The following ZNF90 variants were observed in gnomAD, a reference collection of about 807,000 sequenced individuals.
ZNF90 encodes zinc finger protein HTF9.
In ZNF90, 11 loss-of-function variants were observed where a neutral mutation model predicts 12.0. The ratio of observed to expected loss-of-function variants is 0.92; its 90% CI spans 0.58 to 1.52. The LOEUF (loss-of-function observed/expected upper bound fraction) is 1.52, where lower values mean the gene tolerates loss of function less well. Among genes scored for constraint, ZNF90 ranks in the 40% most tolerant of loss-of-function variants. The pLI is 0.00. For missense variants in ZNF90, 765 were observed against 711.5 expected, an observed-to-expected ratio of 1.08 and a Z score of -0.86; for synonymous variants, 232 against 240.1, an observed-to-expected ratio of 0.97 and a Z score of 0.31.
Position 20,117,872 on chromosome 19 carries a change from T to G in ZNF90, c.318T>G (p.Arg106=). The G allele has an allele frequency of 6.2e-7, 1 of 1,610,536 alleles. No individual in the cohort carries two copies. Residue 106 remains arginine (R), a synonymous_variant, in exon 4 of 4, where the codon CGT becomes CGG. Transcript: ENST00000418063. ...QKVIVTRYEK[R]EYGNLELKKG... ...TGATAGTGACAAGATATGAAAAACG[T>G]GAATATGGCAATTTAGAGTTAAAAA... is the stretch of plus-strand genomic sequence containing the variant.
At chr19:20,108,470 C>T (rs1413262368) in intron 3 of ZNF90, among the ~76,000 whole-genome samples, 7 of 152,044 alleles carry the variant, frequency 4.6e-5, no homozygotes, top group Admixed American at 1.3e-4. Flanking sequence ...CCACCACTCC[C>T]GGCTAATTTT....
Position 20,120,193 on chromosome 19 carries a change from C to T in ZNF90, c.*833C>T, listed in dbSNP as rs1158606320. Among the ~76,000 whole-genome samples the T allele has an allele frequency of 6.6e-6, 1 of 152,150 alleles. No individual in the cohort carries two copies. The highest frequency in any genetic ancestry group is 1.5e-5 in the Non-Finnish European group (1 of 68,026). On this transcript the variant is annotated 3_prime_UTR_variant, in exon 4 of 4. Coordinates refer to ENST00000418063, the MANE Select transcript of ZNF90 (RefSeq NM_007138.2). ...GCTAGTATCCTTGAGAAAAATTGCA[C>T]AATTATAAAAAATATGGAAAACCCA...
intron 1 of ZNF90, chr19:20,079,937 CTTT>C (rs113327735): frequency 3.3e-3 from 1,044 of 320,046 alleles, no homozygotes; most frequent in South Asian, 6.5e-3. Context: ...CGTATTTCCT[CTTT>C]TTTTTTTTTT....
In ZNF90 at chr19:20,119,540, A is replaced by G. The variant is rs994061240; in HGVS notation, c.*180A>G. The G allele has an allele frequency of 4.9e-6, 3 of 613,212 alleles. No individual in the cohort carries two copies. The highest frequency in any genetic ancestry group is 4.4e-4 in the Middle Eastern group (1 of 2,284). 38.0% of individuals were successfully genotyped at this position (613,212 alleles called of 1,614,324 possible). A position where few individuals can be genotyped will look rare whatever the true frequency, so the allele number is the denominator to read the frequency against. On this transcript the variant is annotated 3_prime_UTR_variant, in exon 4 of 4. Coordinates refer to ENST00000418063, the MANE Select transcript of ZNF90 (RefSeq NM_007138.2). ...ACAAATCATTTTAAGGAAGTTCTCAACCCTTACTACACATAATTCATACTG... is the reference window on the plus strand; with the variant it reads ...ACAAATCATTTTAAGGAAGTTCTCAGCCCTTACTACACATAATTCATACTG...
At chr19:20,111,193 C>T (rs564746748) in intron 3 of ZNF90, among the ~76,000 whole-genome samples, 4 of 152,238 alleles carry the variant, frequency 2.6e-5, no homozygotes, top group South Asian at 2.1e-4. Context: ...GTGCCTCAGC[C>T]TCCCAAAGTG....
chr19:20,101,137 C>T (rs997395474), intron 1 of ZNF90, among the ~76,000 whole-genome samples: 7 of 152,190 alleles, frequency 4.6e-5, no homozygotes, highest in Admixed American at 4.6e-4. Context: ...CCTCCCCCTC[C>T]GGATCCAGCA....
intron 1 of ZNF90, among the ~76,000 whole-genome samples, chr19:20,088,362 G>T (rs549929641): frequency 2.6e-5 from 4 of 152,066 alleles, no homozygotes; most frequent in Admixed American, 1.3e-4. Flanking sequence ...AACATTTGTC[G>T]TATAGAAAGA....
intron 1 of ZNF90, among the ~76,000 whole-genome samples, chr19:20,103,549 T>C (rs938684579): frequency 2.0e-5 from 3 of 152,240 alleles, no homozygotes; most frequent in Admixed American, 2.0e-4. Flanking sequence ...TTTCTTTCAC[T>C]ATAGAGTTAA....
chr19:20,110,878 T>C (rs1215470571), intron 3 of ZNF90, among the ~76,000 whole-genome samples: 1 of 152,192 alleles, frequency 6.6e-6, no homozygotes, highest in Non-Finnish European at 1.5e-5. Flanking sequence ...GTTATTCACC[T>C]TTATTGTTTA....
intron 3 of ZNF90, among the ~76,000 whole-genome samples, chr19:20,105,628 A>G (rs540114163): frequency 1.3e-5 from 2 of 152,336 alleles, no homozygotes; most frequent in South Asian, 2.1e-4. Context: ...TCTTGGGGAC[A>G]CAGAAATATC....
intron 3 of ZNF90, among the ~76,000 whole-genome samples, chr19:20,108,113 T>C (rs1339402817): frequency 6.6e-6 from 1 of 150,852 alleles, no homozygotes. Context: ...ATACCATATA[T>C]TTAAAACATT....
intron 3 of ZNF90, among the ~76,000 whole-genome samples, chr19:20,114,970 C>G (rs2089124005): frequency 6.6e-6 from 1 of 152,158 alleles, no homozygotes; most frequent in African/African-American, 2.4e-5. Flanking sequence ...GACACACACG[C>G]ACACAAATAC....
intron 1 of ZNF90, among the ~76,000 whole-genome samples, chr19:20,094,995 A>G (rs771286549): frequency 1.9e-4 from 29 of 152,082 alleles, no homozygotes; most frequent in Non-Finnish European, 3.7e-4. Context: ...GAAGGATTAT[A>G]GGGTGGAGGA....
chr19:20,083,147 A>G (rs935589763), intron 1 of ZNF90, among the ~76,000 whole-genome samples: 45 of 151,688 alleles, frequency 3.0e-4, no homozygotes, highest in Non-Finnish European at 4.1e-4. Context: ...GAACTCAGAG[A>G]CTGGTGCCGG....
chr19:20,080,528 A>T, intron 1 of ZNF90: 1 of 249,058 alleles, frequency 4.0e-6, no homozygotes, highest in South Asian at 5.5e-5. Flanking sequence ...AGTTGTCCCA[A>T]GAGATGCCCA....
chr19:20,110,332 G>C (rs948497658), intron 3 of ZNF90, among the ~76,000 whole-genome samples: 2 of 152,060 alleles, frequency 1.3e-5, no homozygotes, highest in African/African-American at 4.8e-5. Context: ...AGGCTGGAGT[G>C]CAGTGGTGTG....
In ZNF90 at chr19:20,078,022, G is replaced by A. The variant is rs1387318029; in HGVS notation, c.-111G>A. The A allele has an allele frequency of 1.1e-5, 15 of 1,400,386 alleles. No individual in the cohort carries two copies. The highest frequency in any genetic ancestry group is 1.7e-5 in the Admixed American group (1 of 58,954). The allele number at this position is 1,400,386 out of a possible 1,614,324, so 86.7% of individuals were successfully genotyped here. On this transcript the variant is annotated 5_prime_UTR_variant, in exon 1 of 4. It adds an upstream start codon to the 5' untranslated region. Coordinates refer to ENST00000418063, the MANE Select transcript of ZNF90 (RefSeq NM_007138.2). ...GGCCATTTGTCTCTTGCTGCAGCTG[G>A]TGCTCCAAATCTGGTCTTAGCTGCT...
At chr19:20,109,842 A>G (rs1262543763) in intron 3 of ZNF90, among the ~76,000 whole-genome samples, 1 of 148,172 alleles carries the variant, frequency 6.7e-6, no homozygotes, top group Non-Finnish European at 1.5e-5. Flanking sequence ...CTCTGTCTCC[A>G]AAAAAAAAAG....
intron 3 of ZNF90, among the ~76,000 whole-genome samples, chr19:20,106,507 T>A (rs1217243044): frequency 6.6e-6 from 1 of 152,162 alleles, no homozygotes; most frequent in Non-Finnish European, 1.5e-5. Context: ...CAGGCTGGAG[T>A]GCAGTGGCGC....
Sources: gnomAD v4.1 joint callset for allele counts (sites outside exome capture counted in the v4.1 genomes callset) on GRCh38, gnomAD v4.1.1 for gene constraint, MANE v1.5 for transcripts, NCBI Gene and HGNC (gene_info 2026-07-23, HGNC 2026-07-21) for gene names.